Variants in CCDC144A observed in about 807,000 individuals in gnomAD.
The protein encoded by CCDC144A is coiled-coil domain-containing protein 144A.
CCDC144A carries 41 observed loss-of-function variants against 143.8 expected under a neutral mutation model. The ratio of observed to expected loss-of-function variants is 0.29; its 90% CI spans 0.22 to 0.37. CCDC144A has a LOEUF of 0.37. Ranked by LOEUF, CCDC144A falls within the 10% of genes least tolerant of loss-of-function variation. The pLI, the probability that CCDC144A is intolerant of heterozygous loss-of-function variation, is 1.00. For missense variants in CCDC144A, 637 were observed against 1,488.8 expected (o/e 0.43, Z 9.41); for synonymous variants, 242 against 517.9 (o/e 0.47, Z 7.23).
intron 6 of CCDC144A, among the ~76,000 whole-genome samples, chr17:16,718,960 T>C (rs1912931883): frequency 7.5e-6 from 1 of 133,680 alleles, no homozygotes; most frequent in African/African-American, 3.2e-5. Context: ...GCCTCCTGAG[T>C]AGCTGGGATT....
chr17:16,699,624 C>G (rs1256904685), intron 2 of CCDC144A, among the ~76,000 whole-genome samples: 27 of 139,696 alleles, frequency 1.9e-4, no homozygotes, highest in Non-Finnish European at 3.5e-4. Flanking sequence ...CCTCAGCCTC[C>G]TGAGTAGGTG....
At chr17:16,745,222 A>G (rs1037720478) in intron 12 of CCDC144A, among the ~76,000 whole-genome samples, 3 of 151,660 alleles carry the variant, frequency 2.0e-5, no homozygotes, top group African/African-American at 7.3e-5. Flanking sequence ...GCCACCGAGA[A>G]GCACGAGTGA....
At chr17:16,763,308 A>G (rs1268241604) in intron 14 of CCDC144A, among the ~76,000 whole-genome samples, 3 of 151,536 alleles carry the variant, frequency 2.0e-5, no homozygotes, top group Admixed American at 6.6e-5. Context: ...TCCCCAAGGA[A>G]AAGTCGCCGT....
chr17:16,684,044 G>A, the CCDC144A span: 13 of 907,876 alleles, frequency 1.4e-5, no homozygotes, highest in African/African-American at 1.3e-4. Context: ...CATTGAACAA[G>A]CACAGACTCA....
chr17:16,699,723 G>T (rs906963828), intron 2 of CCDC144A, among the ~76,000 whole-genome samples: 1 of 148,992 alleles, frequency 6.7e-6, no homozygotes, highest in Non-Finnish European at 1.5e-5. Flanking sequence ...AAAATTGACT[G>T]TGATCTTATA....
Position 16,762,446 on chromosome 17 carries a change from A to C in CCDC144A, c.3800A>C (p.Asp1267Ala), listed in dbSNP as rs1915419884. Residue 1267 changes from aspartate to alanine, a missense_variant, in exon 14 of 17, where the codon GAC (aspartate) becomes GCC (alanine). Physicochemically the swap from Asp to Ala is moderately radical, Grantham distance 126. Coordinates refer to ENST00000399273, the MANE Select transcript of CCDC144A (RefSeq NM_001382000.1). ...TCCAGAATAAAAACTTCGCAAGCCGACTTTAATAAAACCGAATTGGAAAGA... is the reference window on the plus strand; with the variant it reads ...TCCAGAATAAAAACTTCGCAAGCCGCCTTTAATAAAACCGAATTGGAAAGA... ...EISRIKTSQADFNKTELERYK... is the reference protein window; with the variant it reads ...EISRIKTSQAAFNKTELERYK... The C allele has an allele frequency of 6.3e-7, 1 of 1,589,252 alleles. No homozygotes were observed. Among genetic ancestry groups the C allele is most frequent in the South Asian group, 1.2e-5 (1 of 86,806 alleles).
intron 15 of CCDC144A, among the ~76,000 whole-genome samples, chr17:16,767,644 C>T (rs1374742560): frequency 6.6e-6 from 1 of 152,232 alleles, no homozygotes; most frequent in Non-Finnish European, 1.5e-5. Flanking sequence ...TCTGTTTATA[C>T]ATCTCCTTTA....
At chr17:16,721,972 CA>C (rs1398348318) in intron 8 of CCDC144A, among the ~76,000 whole-genome samples, 8 of 152,152 alleles carry the variant, frequency 5.3e-5, no homozygotes, top group African/African-American at 1.9e-4. Context: ...GGCTTCAGTG[CA>C]ATGCTGACTA....
intron 12 of CCDC144A, among the ~76,000 whole-genome samples, chr17:16,755,995 T>C: frequency 1.3e-5 from 2 of 152,240 alleles, no homozygotes; most frequent in Non-Finnish European, 2.9e-5. Flanking sequence ...ATATGCTATT[T>C]GATATGGATT....
At chr17:16,704,901 C>G (rs555173772) in intron 2 of CCDC144A, among the ~76,000 whole-genome samples, 18 of 151,842 alleles carry the variant, frequency 1.2e-4, no homozygotes, top group African/African-American at 4.3e-4. Flanking sequence ...TTAGAGACTC[C>G]TGAGTGAATA....
chr17:16,767,881 G>A (rs1039376623), intron 15 of CCDC144A, among the ~76,000 whole-genome samples: 3 of 152,214 alleles, frequency 2.0e-5, no homozygotes, highest in African/African-American at 4.8e-5. Context: ...ACTGTTCCCA[G>A]ACCAAACTGA....
rs570968688 is a variant in CCDC144A at position 16,738,199 on chromosome 17, A to C, written c.3372+2556A>C. On this transcript the variant is annotated intron_variant, in intron 12 of 16. Transcript: ENST00000399273. ...AATGTTTTAATTTACAAACTACTTG[A>C]AATGTTAGGTACTTCCTTTATTTTC... is the stretch of plus-strand genomic sequence containing the variant. Among the ~76,000 whole-genome samples, 4 of 148,380 alleles carry C rather than the reference A, an allele frequency of 2.7e-5. No individual in the cohort carries two copies. The East Asian group carries it at 5.8e-4, about 22-fold the overall frequency.
At chr17:16,671,663 C>T in the CCDC144A span, among the ~76,000 whole-genome samples, 1 of 152,032 alleles carries the variant, frequency 6.6e-6, no homozygotes, top group Non-Finnish European at 1.5e-5. Flanking sequence ...GGTCCCTACT[C>T]TTCAGAGTAA....
chr17:16,749,778 G>T (rs1388425107), intron 12 of CCDC144A, among the ~76,000 whole-genome samples: 1 of 152,186 alleles, frequency 6.6e-6, no homozygotes, highest in African/African-American at 2.4e-5. Flanking sequence ...CTCCAGTGTT[G>T]GGTGGGTATG....
chr17:16,728,628 G>A (rs533150896), intron 9 of CCDC144A, among the ~76,000 whole-genome samples: 24 of 151,812 alleles, frequency 1.6e-4, no homozygotes, highest in Non-Finnish European at 2.6e-4. Context: ...AGTGGTTTTC[G>A]GTTAAATGGA....
At chr17:16,763,097 C>T (rs2143379091) in intron 14 of CCDC144A, among the ~76,000 whole-genome samples, 1 of 150,990 alleles carries the variant, frequency 6.6e-6, no homozygotes, top group East Asian at 2.0e-4. Flanking sequence ...TAAAGGCACA[C>T]TTGTGAAGCA....
intron 12 of CCDC144A, among the ~76,000 whole-genome samples, chr17:16,744,358 G>A (rs1044325606): frequency 6.6e-6 from 1 of 152,130 alleles, no homozygotes; most frequent in Non-Finnish European, 1.5e-5. Flanking sequence ...GCCAAAATCT[G>A]GGTTGTTGTT....
Position 16,749,072 on chromosome 17 carries a change from A to T in CCDC144A, c.3373-12353A>T, listed in dbSNP as rs1231549089. On this transcript the variant is annotated intron_variant, in intron 12 of 16. Transcript: ENST00000399273. Reference sequence around the variant, plus strand: ...TTGGTTTCACTGATCCTTTGTATGGATTTTTGGGCCTCAAGTTTTCTCAGT... The same window carrying T: ...TTGGTTTCACTGATCCTTTGTATGGTTTTTTGGGCCTCAAGTTTTCTCAGT... Among the ~76,000 whole-genome samples the T allele has an allele frequency of 7.9e-5, 12 of 151,674 alleles. No individual in the cohort carries two copies. The East Asian group carries it at 2.1e-3, about 27-fold the overall frequency.
chr17:16,707,861 A>C (rs527471081), intron 4 of CCDC144A, among the ~76,000 whole-genome samples: 18 of 152,350 alleles, frequency 1.2e-4, no homozygotes, highest in African/African-American at 4.3e-4. Context: ...ATTAAGCAGC[A>C]GAAATTATGA....
Sources: gnomAD v4.1 joint callset for allele counts (sites outside exome capture counted in the v4.1 genomes callset) on GRCh38, gnomAD v4.1.1 for gene constraint, MANE v1.5 for transcripts, NCBI Gene and HGNC (gene_info 2026-07-23, HGNC 2026-07-21) for gene names.